Variants in ANO10 observed in about 807,000 individuals in gnomAD.
The protein encoded by ANO10 is anoctamin 10, also known as anoctamin-10.
In ANO10, 77 loss-of-function variants were observed where a neutral mutation model predicts 74.7. The observed-to-expected ratio is 1.03, with a 90% CI of 0.86 to 1.25. The LOEUF (loss-of-function observed/expected upper bound fraction) is 1.25, where lower values mean the gene tolerates loss of function less well. ANO10 is among the 50% of genes most tolerant of loss of function. ANO10 has a pLI of 0.00. For missense variants in ANO10, 721 were observed against 778.1 expected, an observed-to-expected ratio of 0.93 and a Z score of 0.87; for synonymous variants, 279 against 284.9, an observed-to-expected ratio of 0.98 and a Z score of 0.21.
chr3:43,598,676 A>T lies in ANO10; in HGVS notation c.338-10T>A, dbSNP rs769662894. ...AAATCATCATTGTTATCTAAAATAAAACAGAAATTACCAGATTTTAGTAAT... is the reference window on the plus strand; with the variant it reads ...AAATCATCATTGTTATCTAAAATAATACAGAAATTACCAGATTTTAGTAAT... On this transcript the variant is annotated splice_polypyrimidine_tract_variant and intron_variant, in intron 3 of 12. Coordinates refer to ENST00000292246, the MANE Select transcript of ANO10 (RefSeq NM_018075.5). 1.3e-6 allele frequency: 2 copies of T among 1,587,378 alleles called. No individual in the cohort carries two copies. The highest frequency in any genetic ancestry group is 2.3e-5 in the South Asian group (2 of 88,320).
At chr3:43,436,078 G>C (rs1031033363) in intron 11 of ANO10, among the ~76,000 whole-genome samples, 2 of 152,158 alleles carry the variant, frequency 1.3e-5, no homozygotes, top group African/African-American at 4.8e-5. Flanking sequence ...TTCAAGTTAA[G>C]CATCATTAAG....
chr3:43,685,973 C>A (rs780136014), intron 1 of ANO10, among the ~76,000 whole-genome samples: 1 of 152,092 alleles, frequency 6.6e-6, no homozygotes, highest in Non-Finnish European at 1.5e-5. Context: ...TATGACCTGG[C>A]GTTTGTGTCC....
chr3:43,488,218 A>G (rs1352683172), intron 11 of ANO10, among the ~76,000 whole-genome samples: 1 of 151,430 alleles, frequency 6.6e-6, no homozygotes, highest in Non-Finnish European at 1.5e-5. Flanking sequence ...TAAAAACCCT[A>G]GAAGAAAACC....
At chr3:43,458,149 T>C (rs2075219958) in intron 11 of ANO10, among the ~76,000 whole-genome samples, 1 of 152,170 alleles carries the variant, frequency 6.6e-6, no homozygotes, top group African/African-American at 2.4e-5. Context: ...ATCCCCACTG[T>C]GCTATATATA....
chr3:43,396,761 CA>C (rs2092390399), intron 12 of ANO10, among the ~76,000 whole-genome samples: 1 of 152,140 alleles, frequency 6.6e-6, no homozygotes, highest in East Asian at 1.9e-4. Flanking sequence ...CTCAGGAGCT[CA>C]AACTCCTGAG....
chr3:43,546,663 T>C (rs920946236), intron 11 of ANO10, among the ~76,000 whole-genome samples: 6 of 151,098 alleles, frequency 4.0e-5, no homozygotes, highest in Non-Finnish European at 7.4e-5. Context: ...AAAACACACC[T>C]CAGTATATGG....
chr3:43,489,103 A>G lies in ANO10; in HGVS notation c.1798-56376T>C, dbSNP rs1302464146. 2.7e-5 allele frequency among the ~76,000 whole-genome samples: 4 copies of G among 146,486 alleles called. No homozygotes were observed. The Admixed American group carries it at 2.8e-4, about 10-fold the overall frequency. On this transcript the variant is annotated intron_variant, in intron 11 of 12. Coordinates refer to ENST00000292246, the MANE Select transcript of ANO10 (RefSeq NM_018075.5). ...CCAAACACCGCATATTCTCACGCATAGGTGGGAATTGAACAATGAGATCAC... is the reference window on the plus strand; with the variant it reads ...CCAAACACCGCATATTCTCACGCATGGGTGGGAATTGAACAATGAGATCAC...
At chr3:43,568,898 C>T (rs2080530068) in intron 7 of ANO10, among the ~76,000 whole-genome samples, 2 of 150,236 alleles carry the variant, frequency 1.3e-5, no homozygotes, top group Admixed American at 6.6e-5. Context: ...AATCCAGGAG[C>T]TGGTTTTTTG....
chr3:43,594,902 T>C (rs1291992627), intron 4 of ANO10, among the ~76,000 whole-genome samples: 3 of 151,796 alleles, frequency 2.0e-5, no homozygotes, highest in East Asian at 1.9e-4. Flanking sequence ...AAGAATCAAA[T>C]AGACACAATA....
chr3:43,390,108 G>T (rs1009471012), intron 12 of ANO10, among the ~76,000 whole-genome samples: 2 of 152,192 alleles, frequency 1.3e-5, no homozygotes, highest in Admixed American at 1.3e-4. Context: ...AGGGAAGTAG[G>T]GTCTCACACG....
intron 11 of ANO10, among the ~76,000 whole-genome samples, chr3:43,441,486 T>C (rs1386423740): frequency 6.6e-6 from 1 of 151,854 alleles, no homozygotes; most frequent in Non-Finnish European, 1.5e-5. Flanking sequence ...TGAACAGAAC[T>C]ATACTAGTAA....
chr3:43,633,995 CAAAAAAA>C (rs5848667), intron 1 of ANO10, among the ~76,000 whole-genome samples: 1 of 124,040 alleles, frequency 8.1e-6, no homozygotes, highest in Non-Finnish European at 1.7e-5. Context: ...TCATGGACAG[CAAAAAAA>C]AAAAAAAAAA....
intron 11 of ANO10, among the ~76,000 whole-genome samples, chr3:43,465,262 T>C (rs981078216): frequency 6.6e-6 from 1 of 152,168 alleles, no homozygotes; most frequent in African/African-American, 2.4e-5. Flanking sequence ...TTAGATGATT[T>C]TGTCATAGTG....
At chr3:43,604,117 T>A (rs2082452839) in intron 2 of ANO10, among the ~76,000 whole-genome samples, 1 of 152,178 alleles carries the variant, frequency 6.6e-6, no homozygotes, top group Non-Finnish European at 1.5e-5. Flanking sequence ...TAATAGTATA[T>A]ATTCATGAAG....
At chr3:43,395,840 ATAT>A (rs1406242549) in intron 12 of ANO10, among the ~76,000 whole-genome samples, 1 of 152,038 alleles carries the variant, frequency 6.6e-6, no homozygotes, top group Non-Finnish European at 1.5e-5. Flanking sequence ...GGTTGGCAAA[ATAT>A]TATTAAAAGG....
intron 11 of ANO10, among the ~76,000 whole-genome samples, chr3:43,548,175 GT>G (rs2079287071): frequency 1.3e-5 from 2 of 152,156 alleles, no homozygotes. Context: ...AGTTTCATGA[GT>G]TTTAAGTTTC....
rs561045754 is a variant in ANO10, at chr3:43,576,475, A to G, written c.1162+217T>C. 2.0e-5 allele frequency among the ~76,000 whole-genome samples: 3 copies of G among 152,364 alleles called. No individual in the cohort carries two copies. In the East Asian group the frequency reaches 5.8e-4, roughly 29 times the overall value. On this transcript the variant is annotated intron_variant, in intron 6 of 12. Coordinates refer to ENST00000292246, the MANE Select transcript of ANO10 (RefSeq NM_018075.5). ...GAATAAAGTGCTTAGCAGGGCACCTAGAACATAGTAATTAACACATAATAA... is the reference window on the plus strand; with the variant it reads ...GAATAAAGTGCTTAGCAGGGCACCTGGAACATAGTAATTAACACATAATAA...
intron 11 of ANO10, among the ~76,000 whole-genome samples, chr3:43,455,559 A>AGGG (rs2075087593): frequency 6.6e-6 from 1 of 152,056 alleles, no homozygotes; most frequent in South Asian, 2.1e-4. Context: ...AGGTACTGTA[A>AGGG]ATCAACTAGT....
intron 1 of ANO10, among the ~76,000 whole-genome samples, chr3:43,615,548 A>G (rs1286513005): frequency 2.0e-5 from 3 of 152,122 alleles, no homozygotes; most frequent in African/African-American, 7.2e-5. Flanking sequence ...AAGTGGCTCT[A>G]TATTTGTAAA....
Sources: gnomAD v4.1 joint callset for allele counts (sites outside exome capture counted in the v4.1 genomes callset) on GRCh38, gnomAD v4.1.1 for gene constraint, MANE v1.5 for transcripts, NCBI Gene and HGNC (gene_info 2026-07-23, HGNC 2026-07-21) for gene names.